FGF1: variants seen among roughly 807,000 people sequenced by gnomAD.
FGF1 encodes fibroblast growth factor 1.
A neutral mutation model predicts 13.4 loss-of-function variants in FGF1; 9 were observed. The ratio of observed to expected loss-of-function variants is 0.67; its 90% CI spans 0.40 to 1.17. The LOEUF is 1.17. FGF1 is among the 50% of genes most tolerant of loss of function. FGF1 has a pLI of 0.01. For missense variants in FGF1, 156 were observed against 192.7 expected, an observed-to-expected ratio of 0.81 and a Z score of 1.13; for synonymous variants, 93 against 79.0, an observed-to-expected ratio of 1.18 and a Z score of -0.94.
At chr5:142,629,895 A>ATATTTT (rs367828611) in intron 1 of FGF1, among the ~76,000 whole-genome samples, 5 of 127,862 alleles carry the variant, frequency 3.9e-5, no homozygotes, top group Non-Finnish European at 6.7e-5. Flanking sequence ...ATATATATAT[A>ATATTTT]TTTTTTTTTT....
intron 1 of FGF1, among the ~76,000 whole-genome samples, chr5:142,645,128 C>G (rs954640033): frequency 6.6e-6 from 1 of 152,182 alleles, no homozygotes; most frequent in African/African-American, 2.4e-5. Context: ...TCTCCTGAAG[C>G]TCCCAGCTTA....
At position 142,632,795 on chromosome 5, in the gene FGF1, C is replaced by G. The variant is rs566920034; in HGVS notation, c.-34-18634G>C. 3.9e-5 allele frequency among the ~76,000 whole-genome samples: 6 copies of G among 152,214 alleles called. No individual in the cohort carries two copies. The East Asian group carries it at 9.6e-4, about 24-fold the overall frequency. On this transcript the variant is annotated intron_variant, in intron 1 of 3. Transcript: ENST00000337706. ...TTGTAATGGTTGCATACAGATGGTT[C>G]ATTTGTAATGGTTGCACCTTCACTT...
chr5:142,605,670 G>A (rs1757507245), intron 2 of FGF1, among the ~76,000 whole-genome samples: 1 of 152,170 alleles, frequency 6.6e-6, no homozygotes, highest in African/African-American at 2.4e-5. Flanking sequence ...CGTCTCAAAA[G>A]TTTCCTCTGT....
At chr5:142,679,846 T>C (rs1424427034) in intron 1 of FGF1, 1 of 152,262 alleles carries the variant, frequency 6.6e-6, no homozygotes, top group African/African-American at 2.4e-5. Flanking sequence ...TCTACGGGGT[T>C]AGTCTGTTAT....
intron 1 of FGF1, among the ~76,000 whole-genome samples, chr5:142,633,935 C>T (rs924286792): frequency 6.6e-6 from 1 of 151,566 alleles, no homozygotes; most frequent in South Asian, 2.1e-4. Context: ...CTGTAATCCA[C>T]GTACTTTGGG....
Position 142,640,432 on chromosome 5 carries a change from G to GC in FGF1, c.-34-26272_-34-26271insG, listed in dbSNP as rs1458069172. On this transcript the variant is annotated intron_variant, in intron 1 of 3. Coordinates refer to ENST00000337706, the MANE Select transcript of FGF1 (RefSeq NM_000800.5). ...ACCAGGAGGTGGAGTATGGTGGGGG[G>GC]GGGGGTCTCTCTGAGAAGCGGCATT... 2.7e-5 allele frequency among the ~76,000 whole-genome samples: 4 copies of GC among 150,104 alleles called. 1 individual carries two copies. The highest frequency in any genetic ancestry group is 6.6e-5 in the Admixed American group (1 of 15,110).
chr5:142,623,561 C>A (rs1271381890), intron 1 of FGF1, among the ~76,000 whole-genome samples: 1 of 151,948 alleles, frequency 6.6e-6, no homozygotes, highest in Non-Finnish European at 1.5e-5. Context: ...GTTGGCCAGG[C>A]TGGTCTCAAA....
intron 2 of FGF1, among the ~76,000 whole-genome samples, chr5:142,603,150 C>G (rs1474947387): frequency 2.6e-5 from 4 of 152,198 alleles, no homozygotes; most frequent in Non-Finnish European, 5.9e-5. Context: ...GGGCCCTGCT[C>G]TCTCGAGCCT....
intron 1 of FGF1, among the ~76,000 whole-genome samples, chr5:142,626,101 A>G (rs533458319): frequency 1.6e-4 from 24 of 152,334 alleles, no homozygotes; most frequent in Middle Eastern, 3.4e-3. Flanking sequence ...TATGCCAGAT[A>G]TGGTTCTAAG....
chr5:142,639,490 T>C (rs1204605618), intron 1 of FGF1, among the ~76,000 whole-genome samples: 1 of 151,944 alleles, frequency 6.6e-6, no homozygotes, highest in Non-Finnish European at 1.5e-5. Context: ...TACCACATGA[T>C]CTCACTTATA....
intron 1 of FGF1, among the ~76,000 whole-genome samples, chr5:142,684,067 G>T (rs1345183075): frequency 6.6e-6 from 1 of 152,074 alleles, no homozygotes; most frequent in Non-Finnish European, 1.5e-5. Flanking sequence ...CTGCGGACTC[G>T]CCCTGACTTC....
At chr5:142,662,928 A>G (rs1769540011) in intron 1 of FGF1, among the ~76,000 whole-genome samples, 1 of 152,030 alleles carries the variant, frequency 6.6e-6, no homozygotes, top group African/African-American at 2.4e-5. Context: ...CACTCAAGCA[A>G]CCCTCCCACC....
intron 1 of FGF1, among the ~76,000 whole-genome samples, chr5:142,680,481 G>A (rs1194823143): frequency 1.3e-5 from 2 of 152,152 alleles, no homozygotes; most frequent in African/African-American, 4.8e-5. Flanking sequence ...TCTAGGCTCT[G>A]GTAAGCTGCT....
chr5:142,661,036 C>T (rs528732999), intron 1 of FGF1, among the ~76,000 whole-genome samples: 3 of 152,326 alleles, frequency 2.0e-5, no homozygotes, highest in East Asian at 1.9e-4. Flanking sequence ...TTCATATCTG[C>T]AAAATATTAT....
chr5:142,693,695 C>T (rs1461886772), intron 2 of FGF1, among the ~76,000 whole-genome samples: 1 of 152,152 alleles, frequency 6.6e-6, no homozygotes, highest in Non-Finnish European at 1.5e-5. Flanking sequence ...CCCCATTCCT[C>T]CCTCCTGCCA....
chr5:142,608,929 A>G (rs1364285782), intron 2 of FGF1, among the ~76,000 whole-genome samples: 1 of 151,834 alleles, frequency 6.6e-6, no homozygotes. Context: ...CCTGTCGCGG[A>G]GTACATTCCT....
At chr5:142,605,370 C>A (rs543885324) in intron 2 of FGF1, among the ~76,000 whole-genome samples, 1 of 151,974 alleles carries the variant, frequency 6.6e-6, no homozygotes, top group Non-Finnish European at 1.5e-5. Context: ...ATCCACCCCC[C>A]TCGGCCTCCC....
At chr5:142,632,959 C>T (rs896092730) in intron 1 of FGF1, among the ~76,000 whole-genome samples, 23 of 148,750 alleles carry the variant, frequency 1.5e-4, no homozygotes, top group African/African-American at 4.2e-4. Context: ...CTTGCTGTGT[C>T]GCCAGGCTGG....
intron 2 of FGF1, among the ~76,000 whole-genome samples, chr5:142,696,374 C>T (rs1375267296): frequency 6.6e-6 from 1 of 152,172 alleles, no homozygotes; most frequent in Non-Finnish European, 1.5e-5. Flanking sequence ...CTGATCATTT[C>T]TGGGGAAACA....
Sources: gnomAD v4.1 joint callset for allele counts (sites outside exome capture counted in the v4.1 genomes callset) on GRCh38, gnomAD v4.1.1 for gene constraint, MANE v1.5 for transcripts, NCBI Gene and HGNC (gene_info 2026-07-23, HGNC 2026-07-21) for gene names.